PITPNM2: variants seen among roughly 807,000 people sequenced by gnomAD.
The protein encoded by PITPNM2 is membrane-associated phosphatidylinositol transfer protein 2.
A neutral mutation model predicts 132.2 loss-of-function variants in PITPNM2; 35 were observed. The ratio of observed to expected loss-of-function variants is 0.26; its 90% CI spans 0.20 to 0.35. The LOEUF is 0.35. PITPNM2 is among the 10% of genes least tolerant of loss of function. PITPNM2 has a pLI of 1.00. For missense variants in PITPNM2, 1,332 were observed against 1,912.0 expected (o/e 0.70, Z 5.66); for synonymous variants, 738 against 799.2 (o/e 0.92, Z 1.29).
rs2039314170 is a variant in PITPNM2 at position 123,013,959 on chromosome 12, G to A, written c.162C>T (p.Gly54=). The A allele has an allele frequency of 2.5e-6, 4 of 1,614,278 alleles. No individual in the cohort carries two copies. The highest frequency in any genetic ancestry group is 3.4e-6 in the Non-Finnish European group (4 of 1,180,050). The change falls in exon 4 of 26, where the codon GGC becomes GGT. Residue 54 remains glycine (G), a synonymous_variant. Coordinates refer to ENST00000320201, the MANE Select transcript of PITPNM2 (RefSeq NM_020845.3). The stretch of plus-strand genomic sequence containing the variant: ...ACACCTTGTGTGTGTACTGCCCAGA[G>A]CCGCCTGGGCCATCTGTGTACGGCC... ...ENRPYTDGPG[G]SGQYTHKVYH... is the part of the protein sequence containing the mutation.
rs1485272030 is a variant in PITPNM2, at chr12:123,111,756, C to A, written c.-199-1268G>T. ...GTACACACCCACATACACACTCAAC[C>A]CCCGGAACAGATGAAACAGCCCAGG... On this transcript the variant is annotated intron_variant, in intron 1 of 25. Transcript: ENST00000320201. The surrounding 1 kb of genome is among the most constrained non-coding windows in gnomAD (Gnocchi z 4.1). Among the ~76,000 whole-genome samples the A allele has an allele frequency of 1.3e-5, 2 of 152,234 alleles. No homozygotes were observed. The highest frequency in any genetic ancestry group is 2.9e-5 in the Non-Finnish European group (2 of 68,042).
In PITPNM2 at chr12:123,058,207, GGGTGTATACCA is replaced by G. The variant is rs1352185883; in HGVS notation, c.-95-23533_-95-23523del. ...TGTAGGGCTGCCAGGGAGGTGGTCA[GGGTGTATACCA>G]GGTCTCCGTCTCCAATGCCACCATG... On this transcript the variant is annotated intron_variant, in intron 2 of 25. Transcript: ENST00000320201. This position sits in a 1 kb window ranked among gnomAD's most constrained non-coding sequence, Gnocchi z 4.0. Among the ~76,000 whole-genome samples the G allele has an allele frequency of 6.6e-6, 1 of 152,206 alleles. No individual in the cohort carries two copies.
At chr12:122,999,321 C>T (rs2038558146) in intron 10 of PITPNM2, among the ~76,000 whole-genome samples, 2 of 152,162 alleles carry the variant, frequency 1.3e-5, no homozygotes, top group South Asian at 2.1e-4. Context: ...GGATTAGCCA[C>T]CACTGGTTGG....
intron 2 of PITPNM2, among the ~76,000 whole-genome samples, chr12:123,076,977 G>A (rs1480870179): frequency 6.6e-6 from 1 of 152,120 alleles, no homozygotes; most frequent in African/African-American, 2.4e-5. Flanking sequence ...GGCATGGGTC[G>A]GAGTGTGTCT....
At chr12:123,094,892 C>T (rs2042366886) in intron 2 of PITPNM2, among the ~76,000 whole-genome samples, 2 of 152,350 alleles carry the variant, frequency 1.3e-5, no homozygotes, top group South Asian at 4.1e-4. Flanking sequence ...ACTGCAGCCA[C>T]ACAACCTCTC....
upstream of PITPNM2, among the ~76,000 whole-genome samples, chr12:123,151,640 C>G (rs1034109042): frequency 1.3e-5 from 2 of 152,100 alleles, no homozygotes; most frequent in African/African-American, 4.8e-5. Flanking sequence ...GTCCCCACCT[C>G]AGGGAGTAGC....
chr12:123,131,271 A>C (rs1383746222), intron 1 of PITPNM2, among the ~76,000 whole-genome samples: 1 of 152,190 alleles, frequency 6.6e-6, no homozygotes, highest in Non-Finnish European at 1.5e-5. Context: ...ACAGAGGCAG[A>C]TAGACACAGA....
At chr12:123,086,828 G>A (rs1323737802) in intron 2 of PITPNM2, among the ~76,000 whole-genome samples, 1 of 152,208 alleles carries the variant, frequency 6.6e-6, no homozygotes, top group Non-Finnish European at 1.5e-5. Context: ...CAGCCGGCTT[G>A]CACAGCTCTG....
At chr12:123,134,640 A>G (rs2043336972) in intron 1 of PITPNM2, among the ~76,000 whole-genome samples, 1 of 151,460 alleles carries the variant, frequency 6.6e-6, no homozygotes, top group Non-Finnish European at 1.5e-5. Flanking sequence ...TTACAAGGGA[A>G]AAAAAAAAGG....
At chr12:123,054,114 A>G (rs949936391) in intron 2 of PITPNM2, among the ~76,000 whole-genome samples, 1 of 151,624 alleles carries the variant, frequency 6.6e-6, no homozygotes, top group African/African-American at 2.4e-5. Context: ...ATAATTTTTT[A>G]TTTTTATTTT....
At chr12:123,024,534 C>G (rs1211174309) in intron 3 of PITPNM2, among the ~76,000 whole-genome samples, 1 of 152,150 alleles carries the variant, frequency 6.6e-6, no homozygotes, top group Non-Finnish European at 1.5e-5. Context: ...TGTCCACCAA[C>G]AGATGAATGG....
At chr12:123,100,880 A>C (rs1227273734) in intron 2 of PITPNM2, among the ~76,000 whole-genome samples, 1 of 152,208 alleles carries the variant, frequency 6.6e-6, no homozygotes, top group African/African-American at 2.4e-5. Context: ...CTATAACTCC[A>C]TATAACGTCT....
rs954893237 is a variant in PITPNM2, at chr12:122,993,410, T to G, written c.2234-741A>C. Among the ~76,000 whole-genome samples, 2 of 152,256 alleles carry G rather than the reference T, an allele frequency of 1.3e-5. No individual in the cohort carries two copies. Among genetic ancestry groups the G allele is most frequent in the Non-Finnish European group, 2.9e-5 (2 of 68,044 alleles). ...GCAAGGTTGTGTTAATTATTAGTGCTGTATCTCACTTTTAGAGGGACATAA... is the reference window on the plus strand; with the variant it reads ...GCAAGGTTGTGTTAATTATTAGTGCGGTATCTCACTTTTAGAGGGACATAA... On this transcript the variant is annotated intron_variant, in intron 15 of 25. Coordinates refer to ENST00000320201, the MANE Select transcript of PITPNM2 (RefSeq NM_020845.3). This position sits in a 1 kb window ranked among gnomAD's most constrained non-coding sequence, Gnocchi z 5.2.
intron 1 of PITPNM2, among the ~76,000 whole-genome samples, chr12:123,112,631 C>T (rs1323055983): frequency 2.0e-5 from 3 of 151,918 alleles, no homozygotes; most frequent in Admixed American, 6.6e-5. Context: ...CTCCGCCTCC[C>T]GGGTTCACAC....
Position 123,000,894 on chromosome 12 carries a change from C to A in PITPNM2, c.1154-46G>T, listed in dbSNP as rs780108885. The A allele has an allele frequency of 1.9e-6, 3 of 1,608,894 alleles. No homozygotes were observed. Among genetic ancestry groups the A allele is most frequent in the Non-Finnish European group, 2.6e-6 (3 of 1,175,654 alleles). On this transcript the variant is annotated intron_variant, in intron 9 of 25. Transcript: ENST00000320201. This position sits in a 1 kb window ranked among gnomAD's most constrained non-coding sequence, Gnocchi z 5.4. ...TGCTGTGAGCTGAGGGGCAGCCCAACCTGGCCGACCGGACAGAGGCTGCAA... is the reference window on the plus strand; with the variant it reads ...TGCTGTGAGCTGAGGGGCAGCCCAAACTGGCCGACCGGACAGAGGCTGCAA...
At chr12:123,103,203 G>A (rs2042608397) in intron 2 of PITPNM2, among the ~76,000 whole-genome samples, 1 of 152,222 alleles carries the variant, frequency 6.6e-6, no homozygotes, top group Non-Finnish European at 1.5e-5. Flanking sequence ...TTACAGTGAT[G>A]ATCCCTGATC....
At chr12:123,013,688 C>G in intron 4 of PITPNM2, 140 bp downstream of exon 4, 1 of 1,014,018 alleles carries the variant, frequency 9.9e-7, no homozygotes. Context: ...CTGTATGGAA[C>G]AAAGCCTGGG....
intron 3 of PITPNM2, among the ~76,000 whole-genome samples, chr12:123,018,089 CTCTT>C (rs1217105995): frequency 7.6e-6 from 1 of 131,514 alleles, no homozygotes; most frequent in African/African-American, 2.8e-5. Flanking sequence ...TTCTCTTTCT[CTCTT>C]TCCTCTTGCT....
intron 2 of PITPNM2, chr12:123,089,483 T>C (rs1341861718): frequency 6.6e-6 from 1 of 152,188 alleles, no homozygotes; most frequent in African/African-American, 2.4e-5. Flanking sequence ...TAGTGGGAGA[T>C]GGATCCCAGT....
Sources: allele counts gnomAD v4.1 joint callset (sites outside exome capture counted in the v4.1 genomes callset), GRCh38; gene constraint gnomAD v4.1.1; non-coding constraint Gnocchi (gnomAD v3.1); transcripts MANE v1.5; gene names NCBI Gene and HGNC (gene_info 2026-07-23, HGNC 2026-07-21).